The following ZNF521 variants were observed in gnomAD, a reference collection of about 807,000 sequenced individuals.
The protein encoded by ZNF521 is LYST-interacting protein 3.
ZNF521 carries 14 observed loss-of-function variants against 105.5 expected under a neutral mutation model. The observed-to-expected ratio is 0.13, with a 90% CI of 0.09 to 0.21. The LOEUF (loss-of-function observed/expected upper bound fraction) is 0.21, where lower values mean the gene tolerates loss of function less well. Among genes scored for constraint, ZNF521 ranks in the 10% least tolerant of loss-of-function variants. ZNF521 has a pLI of 1.00. For missense variants in ZNF521, 1,233 were observed against 1,629.7 expected (o/e 0.76, Z 4.19); for synonymous variants, 635 against 606.0 (o/e 1.05, Z -0.70).
chr18:25,232,903 A>G (rs976451593), intron 3 of ZNF521, among the ~76,000 whole-genome samples: 1 of 152,194 alleles, frequency 6.6e-6, no homozygotes, highest in African/African-American at 2.4e-5. Context: ...TTCTGCCAGC[A>G]GGCTATAGGA....
At chr18:25,212,325 C>T (rs972508192) in intron 4 of ZNF521, among the ~76,000 whole-genome samples, 5 of 150,992 alleles carry the variant, frequency 3.3e-5, no homozygotes, top group East Asian at 1.9e-4. Flanking sequence ...GCCTGGCCAA[C>T]ATAGTGAAAC....
In ZNF521 at chr18:25,247,601, G is replaced by C. The variant is rs1321128331; in HGVS notation, c.221-19904C>G. 2.0e-5 allele frequency among the ~76,000 whole-genome samples: 3 copies of C among 152,166 alleles called. No individual in the cohort carries two copies. In the South Asian group the frequency reaches 6.2e-4, roughly 32 times the overall value. ...GTTTCTCAGGCAACACTACAGCCAG[G>C]TTCAAGTGCCACTGGACTAGAACAT... On this transcript the variant is annotated intron_variant, in intron 3 of 7. Coordinates refer to ENST00000361524, the MANE Select transcript of ZNF521 (RefSeq NM_015461.3).
At chr18:25,070,733 T>C (rs1264137464) in intron 7 of ZNF521, among the ~76,000 whole-genome samples, 1 of 151,970 alleles carries the variant, frequency 6.6e-6, no homozygotes, top group Non-Finnish European at 1.5e-5. Flanking sequence ...CAAGCAGAAA[T>C]GTCCCCTGAC....
At chr18:25,350,864 C>T (rs1023849869) in intron 2 of ZNF521, 43 bp downstream of exon 2, 36 of 1,543,866 alleles carry the variant, frequency 2.3e-5, no homozygotes, top group Non-Finnish European at 2.7e-5. Context: ...CACAGTGACA[C>T]TCGCGGATGG....
At chr18:25,124,710 A>G (rs947136189) in intron 5 of ZNF521, among the ~76,000 whole-genome samples, 8 of 152,216 alleles carry the variant, frequency 5.3e-5, no homozygotes, top group South Asian at 2.1e-4. Context: ...TTAAAATGCT[A>G]GTAAAAATTC....
chr18:25,341,850 T>C (rs1372974380), intron 2 of ZNF521, among the ~76,000 whole-genome samples: 1 of 152,178 alleles, frequency 6.6e-6, no homozygotes, highest in Non-Finnish European at 1.5e-5. Context: ...ATAAGCTCCA[T>C]AAGAGCAAGG....
intron 3 of ZNF521, among the ~76,000 whole-genome samples, chr18:25,244,182 A>AC (rs1035439990): frequency 2.0e-5 from 3 of 151,748 alleles, no homozygotes; most frequent in Non-Finnish European, 4.4e-5. Flanking sequence ...GGTCCAGGGG[A>AC]CCCCACCATA....
intron 5 of ZNF521, among the ~76,000 whole-genome samples, chr18:25,113,073 G>A (rs1324296522): frequency 6.6e-6 from 1 of 151,632 alleles, no homozygotes; most frequent in Non-Finnish European, 1.5e-5. Flanking sequence ...CGGCATAGGG[G>A]AAAGGGCCTG....
chr18:25,348,080 C>G (rs1433300933), intron 2 of ZNF521, among the ~76,000 whole-genome samples: 2 of 152,134 alleles, frequency 1.3e-5, no homozygotes, highest in Non-Finnish European at 2.9e-5. Flanking sequence ...TAATTGCAAA[C>G]CTATTAATCA....
intron 7 of ZNF521, among the ~76,000 whole-genome samples, chr18:25,069,230 T>G (rs1294906607): frequency 6.6e-6 from 1 of 152,208 alleles, no homozygotes; most frequent in Non-Finnish European, 1.5e-5. Flanking sequence ...CAACTTCTTA[T>G]GCTAGTAAAA....
chr18:25,064,517 G>C (rs796759742), intron 7 of ZNF521, among the ~76,000 whole-genome samples: 2 of 152,354 alleles, frequency 1.3e-5, no homozygotes, highest in African/African-American at 4.8e-5. Context: ...CATGAAGATG[G>C]AGCTGGTTTG....
intron 3 of ZNF521, among the ~76,000 whole-genome samples, chr18:25,296,498 C>T (rs1053861116): frequency 7.2e-5 from 11 of 152,118 alleles, no homozygotes; most frequent in African/African-American, 1.7e-4. Context: ...AGAACCCCAT[C>T]GCTGACAGTC....
At chr18:25,083,754 T>TCTTG in intron 7 of ZNF521, among the ~76,000 whole-genome samples, 1 of 148,402 alleles carries the variant, frequency 6.7e-6, no homozygotes, top group East Asian at 2.0e-4. Context: ...CATATATATA[T>TCTTG]TTTGTTTGTT....
intron 3 of ZNF521, among the ~76,000 whole-genome samples, chr18:25,247,899 G>C (rs898131133): frequency 3.0e-4 from 46 of 152,272 alleles, no homozygotes; most frequent in Admixed American, 1.9e-3. Flanking sequence ...TAGAAAAATA[G>C]ATCCAAAAGA....
intron 7 of ZNF521, among the ~76,000 whole-genome samples, chr18:25,088,693 C>G (rs964459049): frequency 4.6e-5 from 7 of 151,162 alleles, no homozygotes; most frequent in Non-Finnish European, 1.0e-4. Flanking sequence ...ATACATGATA[C>G]TTCTGGAATA....
intron 2 of ZNF521, among the ~76,000 whole-genome samples, chr18:25,330,302 T>C (rs1017286007): frequency 3.9e-5 from 6 of 152,176 alleles, no homozygotes; most frequent in Non-Finnish European, 8.8e-5. Context: ...TAGCTGGGAC[T>C]ACAGGCCCGT....
rs530925770 is a variant in ZNF521 at position 25,136,940 on chromosome 18, T to C, written c.3659-44859A>G. Reference sequence around the variant, plus strand: ...TGGACTGGGGGAATACAAGAGACCTTGGGAAAAACACAGGCAGGGAGGCCT... The same window carrying C: ...TGGACTGGGGGAATACAAGAGACCTCGGGAAAAACACAGGCAGGGAGGCCT... On this transcript the variant is annotated intron_variant, in intron 5 of 7. Coordinates refer to ENST00000361524, the MANE Select transcript of ZNF521 (RefSeq NM_015461.3). Among the ~76,000 whole-genome samples, 4 of 152,126 alleles carry C rather than the reference T, an allele frequency of 2.6e-5. No homozygotes were observed. In the East Asian group the frequency reaches 5.8e-4, roughly 22 times the overall value.
intron 3 of ZNF521, among the ~76,000 whole-genome samples, chr18:25,288,195 AT>A (rs1910813541): frequency 1.3e-5 from 2 of 152,134 alleles, no homozygotes; most frequent in African/African-American, 4.8e-5. Context: ...ACATATTTGG[AT>A]TTTTCCCCCA....
chr18:25,327,028 T>C (rs1207042048), intron 2 of ZNF521, among the ~76,000 whole-genome samples: 5 of 151,786 alleles, frequency 3.3e-5, no homozygotes, highest in Non-Finnish European at 7.4e-5. Flanking sequence ...AAAAAACAAG[T>C]CTTAGCTTCA....
Sources: allele counts gnomAD v4.1 joint callset (sites outside exome capture counted in the v4.1 genomes callset), GRCh38; gene constraint gnomAD v4.1.1; transcripts MANE v1.5; gene names NCBI Gene and HGNC (gene_info 2026-07-23, HGNC 2026-07-21).